KDM5A: variants seen among roughly 807,000 people sequenced by gnomAD.
KDM5A encodes lysine demethylase 5A.
A neutral mutation model predicts 193.5 loss-of-function variants in KDM5A; 42 were observed. That is an observed-to-expected ratio of 0.22 (90% CI 0.17 to 0.28). The LOEUF is 0.28. KDM5A is among the 10% of genes least tolerant of loss of function. The pLI is 1.00. For missense variants in KDM5A, 1,692 were observed against 2,055.1 expected (o/e 0.82, Z 3.42); for synonymous variants, 796 against 718.1 (o/e 1.11, Z -1.73).
intron 17 of KDM5A, chr12:322,165 A>G (rs779231110): frequency 2.4e-5 from 12 of 503,652 alleles, no homozygotes; most frequent in Non-Finnish European, 3.6e-5. Context: ...AAGCAGAGTA[A>G]AGAGAGCATG....
chr12:380,996 T>A lies in KDM5A; in HGVS notation c.366+3035A>T, dbSNP rs551830174. On this transcript the variant is annotated intron_variant, in intron 3 of 27. Transcript: ENST00000399788. ...TAATTAGTAGAGATAGGTTTTATTT[T>A]ATTTTTTTTTTTTAGACGGAGTTGT... 4.2e-3 allele frequency among the ~76,000 whole-genome samples: 307 copies of A among 72,660 alleles called. 2 individuals carry two copies. Among genetic ancestry groups the A allele is most frequent in the African/African-American group, 0.013 (262 of 20,222 alleles). 47.7% of individuals were successfully genotyped at this position (72,660 alleles called of 152,430 possible).
rs117948946 is a variant in KDM5A at position 294,711 on chromosome 12, T to C, written c.4455+862A>G. The stretch of plus-strand genomic sequence containing the variant: ...GAAAGAAGGAAACTAATGAAAAGAA[T>C]ACTCATGAAAATGAATGAAAAGAAA... On this transcript the variant is annotated intron_variant, in intron 26 of 27. Coordinates refer to ENST00000399788, the MANE Select transcript of KDM5A (RefSeq NM_001042603.3). Among the ~76,000 whole-genome samples, 430 of 152,332 alleles carry C rather than the reference T, an allele frequency of 2.8e-3. 13 individuals are homozygous for C. In the East Asian group the frequency reaches 0.065, roughly 23 times the overall value.
intron 1 of KDM5A, chr12:388,487 T>C (rs1048551239): frequency 2.7e-6 from 1 of 365,680 alleles, no homozygotes; most frequent in African/African-American, 2.1e-5. Context: ...CCGGTGAGAC[T>C]AGAGCTCAGA....
chr12:282,453 G>T lies in KDM5A; in HGVS notation c.*3003C>A. 1 of 233,016 alleles carries T rather than the reference G, an allele frequency of 4.3e-6. No individual in the cohort carries two copies. The highest frequency in any genetic ancestry group is 8.5e-6 in the Non-Finnish European group (1 of 117,978). 14.4% of individuals were successfully genotyped at this position (233,016 alleles called of 1,614,324 possible). On this transcript the variant is annotated 3_prime_UTR_variant, in exon 28 of 28. Transcript: ENST00000399788. ...TGGTGTGCAGCAGCTTAGTGAGGAA[G>T]TCATGCATCTACACATCAACATGGC...
chr12:381,496 G>C (rs1046429266), intron 3 of KDM5A, among the ~76,000 whole-genome samples: 1 of 152,112 alleles, frequency 6.6e-6, no homozygotes, highest in Non-Finnish European at 1.5e-5. Flanking sequence ...GCAAAACTTA[G>C]TAGGTAAGTT....
intron 13 of KDM5A, 60 bp from the exon 14 acceptor site, chr12:329,089 C>T: frequency 7.2e-7 from 1 of 1,392,628 alleles, no homozygotes; most frequent in Non-Finnish European, 1.0e-6. Context: ...CACAGAACCA[C>T]TACTTACCCT....
chr12:350,676 A>G lies in KDM5A; in HGVS notation c.1253T>C (p.Phe418Ser). The change falls in exon 10 of 28, where the codon TTT (phenylalanine) becomes TCT (serine). Residue 418 changes from phenylalanine to serine, a missense_variant. This residue lies in a region of KDM5A where 172 missense variants were observed against 260.3 expected (regional missense o/e 0.66). Transcript: ENST00000399788. ...ATCCTTCACCGGAAATCCACTTCCA[A>G]AGTCTTTTGAGGAGATATCTGCTCC... ...EYGADISSKD[F>S]GSGFPVKDGR... The G allele has an allele frequency of 6.2e-7, 1 of 1,614,068 alleles. No homozygotes were observed. The highest frequency in any genetic ancestry group is 8.5e-7 in the Non-Finnish European group (1 of 1,179,988).
chr12:358,397 T>C (rs2137460729), intron 5 of KDM5A, among the ~76,000 whole-genome samples: 1 of 152,350 alleles, frequency 6.6e-6, no homozygotes, highest in South Asian at 2.1e-4. Flanking sequence ...TGTAGACTGA[T>C]TTGGTTACAC....
chr12:352,279 G>A lies in KDM5A; in HGVS notation c.1075C>T (p.Arg359Ter), dbSNP rs2137451575. The A allele has an allele frequency of 6.2e-7, 1 of 1,612,226 alleles. No homozygotes were observed. The highest frequency in any genetic ancestry group is 8.5e-7 in the Non-Finnish European group (1 of 1,178,460). Residue 359 changes from arginine to a stop codon, truncating the protein, a stop_gained, in exon 9 of 28, where the codon CGA becomes TGA. Coordinates refer to ENST00000399788, the MANE Select transcript of KDM5A (RefSeq NM_001042603.3). LOFTEE classifies it high-confidence loss of function. Reference protein sequence around the residue: ...REAFGFEQAVREYTLQSFGEM... With the variant: ...REAFGFEQAV Reference sequence around the variant, plus strand: ...CCAAAGCTCTGAAGTGTATACTCTCGTACAGCTTGTTCAAATCCAAAGGCT... The same window carrying A: ...CCAAAGCTCTGAAGTGTATACTCTCATACAGCTTGTTCAAATCCAAAGGCT...
chr12:320,884 G>GAA, intron 18 of KDM5A, 111 bp downstream of exon 18: 5 of 739,222 alleles, frequency 6.8e-6, no homozygotes, highest in Admixed American at 3.9e-5. Flanking sequence ...ATATGTGAGA[G>GAA]AAAAAAAAAA....
chr12:291,273 A>G (rs1301951997), intron 27 of KDM5A, among the ~76,000 whole-genome samples: 1 of 152,216 alleles, frequency 6.6e-6, no homozygotes, highest in Non-Finnish European at 1.5e-5. Flanking sequence ...ACTATAGGAT[A>G]TATATTTTAC....
In KDM5A at chr12:325,227, T is replaced by C. The variant is rs139145526; in HGVS notation, c.1969-1446A>G. Among the ~76,000 whole-genome samples the C allele has an allele frequency of 9.8e-3, 1,486 of 152,332 alleles. 17 individuals are homozygous for C. The highest frequency in any genetic ancestry group is 0.034 in the African/African-American group (1,393 of 41,564). ...TTCAAAATGCATTGCACGTATTTCT[T>C]AGTTTATAAGAATTTACTCAGCTTC... On this transcript the variant is annotated intron_variant, in intron 14 of 27. Transcript: ENST00000399788.
rs2137508128 is a variant in KDM5A, at chr12:389,040, C to A, written c.52G>T (p.Glu18Ter). 1 of 1,566,640 alleles carries A rather than the reference C, an allele frequency of 6.4e-7. No homozygotes were observed. The highest frequency in any genetic ancestry group is 8.7e-7 in the Non-Finnish European group (1 of 1,150,796). The change falls in exon 1 of 28, where the codon GAG (glutamate) becomes TAG (stop). Residue 18 changes from glutamate (E) to a stop codon, truncating the protein, a stop_gained. Transcript: ENST00000399788. LOFTEE classifies it high-confidence loss of function. ...CAACTCGGCTCAAAGACGGGGCACT[C>A]TGGCGGTGGCACGAACTCCGCCGCG... is the stretch of plus-strand genomic sequence containing the variant. ...GYAAEFVPPP[E>*]CPVFEPSWEE...
At chr12:314,459 T>C (rs1250176237) in intron 19 of KDM5A, among the ~76,000 whole-genome samples, 1 of 152,176 alleles carries the variant, frequency 6.6e-6, no homozygotes, top group Non-Finnish European at 1.5e-5. Flanking sequence ...CCTCCCAAAG[T>C]GCTGGGATTA....
At chr12:353,267 C>T (rs993346930) in intron 8 of KDM5A, among the ~76,000 whole-genome samples, 1 of 152,064 alleles carries the variant, frequency 6.6e-6, no homozygotes, top group Admixed American at 6.6e-5. Context: ...AAGCCAGAGG[C>T]TGCAGTGAGC....
chr12:383,569 T>C (rs953238472), intron 3 of KDM5A, among the ~76,000 whole-genome samples: 5 of 151,938 alleles, frequency 3.3e-5, no homozygotes, highest in African/African-American at 1.2e-4. Flanking sequence ...ACACAGAACA[T>C]TGTACACTCA....
chr12:321,422 A>G (rs939870847), intron 17 of KDM5A, among the ~76,000 whole-genome samples: 2 of 152,236 alleles, frequency 1.3e-5, no homozygotes, highest in African/African-American at 4.8e-5. Flanking sequence ...TTAAAATGTG[A>G]AAGAGCCTTT....
At position 331,822 on chromosome 12, in the gene KDM5A, G is replaced by C. The variant is rs2137422784; in HGVS notation, c.1770C>G (p.Asp590Glu). Residue 590 changes from aspartate (D) to glutamate (E), a missense_variant, in exon 13 of 28, where the codon GAC (aspartate) becomes GAG (glutamate). Asp to Glu is a conservative substitution (Grantham distance 45). Transcript: ENST00000399788. The part of the protein sequence containing the change: ...FAEAVNFCTA[D>E]WLPIGRQCVN... ...AGCCACTTGCTATAGAACAGACCCA[G>C]TCAGCAGTACAGAAGTTCACAGCTT... 1 of 1,614,020 alleles carries C rather than the reference G, an allele frequency of 6.2e-7. No homozygotes were observed. The highest frequency in any genetic ancestry group is 8.5e-7 in the Non-Finnish European group (1 of 1,179,904).
intron 25 of KDM5A, 46 bp from the exon 26 acceptor site, chr12:295,839 A>G: frequency 6.4e-7 from 1 of 1,554,756 alleles, no homozygotes; most frequent in Non-Finnish European, 8.9e-7. Context: ...AATTAAAACT[A>G]TGGAAAAAAC....
Sources: allele counts gnomAD v4.1 joint callset (sites outside exome capture counted in the v4.1 genomes callset), GRCh38; gene constraint gnomAD v4.1.1; regional missense constraint gnomAD v4.1.1; transcripts MANE v1.5; gene names NCBI Gene and HGNC (gene_info 2026-07-23, HGNC 2026-07-21).